Variants in APC observed in about 807,000 individuals in gnomAD.
APC encodes the protein adenomatous polyposis coli protein.
APC carries 72 observed loss-of-function variants against 247.0 expected under a neutral mutation model. The ratio of observed to expected loss-of-function variants is 0.29; its 90% CI spans 0.24 to 0.35. APC has a LOEUF of 0.35. APC is among the 10% of genes least tolerant of loss of function. APC has a pLI of 1.00. For synonymous variants in APC, 1,254 were observed against 1,162.5 expected (o/e 1.08, Z -1.60); for missense variants, 3,400 against 3,360.7 (o/e 1.01, Z -0.29).
intron 9 of APC, among the ~76,000 whole-genome samples, chr5:112,815,924 G>C (rs549012516): frequency 6.6e-6 from 1 of 152,306 alleles, no homozygotes; most frequent in South Asian, 2.1e-4. Context: ...CTGATTCACA[G>C]TCTCTTGAAG....
In APC at chr5:112,843,159, C is replaced by G. The variant is rs763438389; in HGVS notation, c.7565C>G (p.Pro2522Arg). The G allele has an allele frequency of 3.7e-6, 6 of 1,613,726 alleles. No individual in the cohort carries two copies. Among genetic ancestry groups the G allele is most frequent in the Non-Finnish European group, 5.1e-6 (6 of 1,179,656 alleles). The part of the protein sequence containing the change: ...SPTIEYNDGR[P>R]AKRHDIARSH... The stretch of plus-strand genomic sequence containing the variant: ...ACTATAGAGTATAATGATGGAAGAC[C>G]AGCAAAGCGCCATGATATTGCACGG... Residue 2522 changes from proline (P) to arginine (R), a missense_variant, in exon 16 of 16, where the codon CCA becomes CGA. By Grantham distance (103) the Pro-to-Arg change is moderately radical (BLOSUM62 -2). Coordinates refer to ENST00000257430, the MANE Select transcript of APC (RefSeq NM_000038.6). The surrounding 1 kb of genome is among the most constrained non-coding windows in gnomAD (Gnocchi z 4.8).
rs1400852847 is a variant in APC, at chr5:112,707,797, C to T, written c.80C>T (p.Thr27Ile). 8.8e-6 allele frequency: 12 copies of T among 1,370,674 alleles called. No individual in the cohort carries two copies. The highest frequency in any genetic ancestry group is 3.4e-5 in the East Asian group (1 of 29,418). 84.9% of individuals were successfully genotyped at this position (1,370,674 alleles called of 1,614,324 possible). Residue 27 changes from threonine (T) to isoleucine (I), a missense_variant, in exon 1 of 14, where the codon ACC (threonine) becomes ATC (isoleucine). Transcript: ENST00000507379. ...CCCTCAGTTCTCGGGTCCTGGAGCA[C>T]CGGCGGCAGCAGGAGCTGCGTCCGG...
At chr5:112,797,564 A>G (rs1760348208) in intron 7 of APC, among the ~76,000 whole-genome samples, 1 of 152,224 alleles carries the variant, frequency 6.6e-6, no homozygotes, top group Non-Finnish European at 1.5e-5. Context: ...ACATAAAGGT[A>G]TGTGAGGCAA....
intron 8 of APC, among the ~76,000 whole-genome samples, chr5:112,802,313 T>A (rs1760914258): frequency 6.6e-6 from 1 of 152,164 alleles, no homozygotes; most frequent in African/African-American, 2.4e-5. Context: ...TATTACTAGT[T>A]AGCATTATAT....
intron 1 of APC, among the ~76,000 whole-genome samples, chr5:112,746,601 A>G (rs1753710737): frequency 6.6e-6 from 1 of 152,182 alleles, no homozygotes; most frequent in African/African-American, 2.4e-5. Context: ...AAGAGAAACG[A>G]TATGATTATA....
chr5:112,800,531 G>T (rs2149709198), intron 7 of APC, among the ~76,000 whole-genome samples: 1 of 152,254 alleles, frequency 6.6e-6, no homozygotes, highest in African/African-American at 2.4e-5. Flanking sequence ...TGTTAGGTCA[G>T]ATTTTTAATG....
chr5:112,723,145 A>T (rs539536589), intron 1 of APC, among the ~76,000 whole-genome samples: 3 of 59,996 alleles, frequency 5.0e-5, no homozygotes, highest in East Asian at 1.8e-3. Context: ...CAACATTATT[A>T]AAAAAAAAGA....
intron 8 of APC, among the ~76,000 whole-genome samples, chr5:112,806,418 G>C (rs1371704971): frequency 1.3e-5 from 2 of 152,008 alleles, no homozygotes; most frequent in African/African-American, 2.4e-5. Flanking sequence ...CTAAAGAAAG[G>C]GTTTCTTGAT....
At chr5:112,713,616 G>T (rs1750987853) in intron 1 of APC, among the ~76,000 whole-genome samples, 1 of 152,136 alleles carries the variant, frequency 6.6e-6, no homozygotes, top group Non-Finnish European at 1.5e-5. Context: ...GATAATAGTG[G>T]CAAATTTAAA....
chr5:112,752,333 T>C (rs1207887313), intron 1 of APC, among the ~76,000 whole-genome samples: 1 of 152,216 alleles, frequency 6.6e-6, no homozygotes, highest in Non-Finnish European at 1.5e-5. Context: ...TTAATTCTGA[T>C]TATCTTTTGC....
At chr5:112,830,091 TG>T (rs1321681497) in intron 14 of APC, 1 of 152,168 alleles carries the variant, frequency 6.6e-6, no homozygotes, top group East Asian at 1.9e-4. Flanking sequence ...GCAAAAGGTT[TG>T]TTTTTTTTTG....
chr5:112,783,620 C>G (rs1159446309), intron 6 of APC: 1 of 168,392 alleles, frequency 5.9e-6, no homozygotes, highest in Non-Finnish European at 1.2e-5. Flanking sequence ...TAGCAAGACC[C>G]TGCCTCTACC....
chr5:112,721,106 A>T (rs1166647209), intron 1 of APC, among the ~76,000 whole-genome samples: 1 of 152,076 alleles, frequency 6.6e-6, no homozygotes, highest in East Asian at 1.9e-4. Flanking sequence ...GGGGCAGGAG[A>T]TACATTTTAA....
chr5:112,760,920 C>A (rs1755578419), intron 2 of APC, among the ~76,000 whole-genome samples: 1 of 151,960 alleles, frequency 6.6e-6, no homozygotes, highest in Non-Finnish European at 1.5e-5. Context: ...CACCATTCTT[C>A]TGCCTCAGCC....
intron 1 of APC, among the ~76,000 whole-genome samples, chr5:112,749,660 G>T (rs1581104103): frequency 6.6e-6 from 1 of 151,668 alleles, no homozygotes; most frequent in Admixed American, 6.6e-5. Context: ...GCTAATTTTT[G>T]TATTTTTAGT....
chr5:112,792,375 C>G, intron 6 of APC, 71 bp from the exon 7 acceptor site: 1 of 1,017,266 alleles, frequency 9.8e-7, no homozygotes, highest in Non-Finnish European at 1.5e-6. Flanking sequence ...TAAGTGGTAG[C>G]CATAGTATGA....
intron 1 of APC, chr5:112,707,986 C>G: frequency 8.6e-7 from 1 of 1,164,470 alleles, no homozygotes; most frequent in East Asian, 3.8e-5. Context: ...CTCTGTGGCT[C>G]TCTTCTCTCC....
At chr5:112,807,880 TGTG>T (rs1158637169) in intron 8 of APC, among the ~76,000 whole-genome samples, 1 of 152,160 alleles carries the variant, frequency 6.6e-6, no homozygotes, top group Non-Finnish European at 1.5e-5. Context: ...ACTGGCCAGG[TGTG>T]GTGGCTCACA....
intron 8 of APC, among the ~76,000 whole-genome samples, chr5:112,806,778 A>T (rs1388788822): frequency 6.6e-6 from 1 of 151,958 alleles, no homozygotes; most frequent in Non-Finnish European, 1.5e-5. Flanking sequence ...GGATCTCACT[A>T]TATTGTCCAG....
Sources: allele counts gnomAD v4.1 joint callset (sites outside exome capture counted in the v4.1 genomes callset), GRCh38; gene constraint gnomAD v4.1.1; non-coding constraint Gnocchi (gnomAD v3.1); transcripts MANE v1.5; gene names NCBI Gene and HGNC (gene_info 2026-07-23, HGNC 2026-07-21).